The following MAP3K15 variants were observed in gnomAD, a reference collection of about 807,000 sequenced individuals.
The protein encoded by MAP3K15 is mitogen-activated protein kinase kinase kinase 15, also known as MAPK/ERK kinase kinase 15.
Under a neutral mutation model 99.5 loss-of-function variants are expected in MAP3K15, and 124 were observed. That is an observed-to-expected ratio of 1.25 (90% CI 1.08 to 1.45). The LOEUF (loss-of-function observed/expected upper bound fraction) is 1.45, where lower values mean the gene tolerates loss of function less well. Ranked by LOEUF, MAP3K15 falls within the 40% of genes most tolerant of loss-of-function variation. The pLI is 0.00. For synonymous variants in MAP3K15, 494 were observed against 439.6 expected (o/e 1.12, Z -1.55); for missense variants, 1,242 against 1,079.7 (o/e 1.15, Z -2.11).
At position 19,363,408 on chromosome X, in the gene MAP3K15, G is replaced by T. The variant is rs182975373; in HGVS notation, c.3567-558C>A. Among the ~76,000 whole-genome samples, 440 of 112,105 alleles carry T rather than the reference G, an allele frequency of 3.9e-3. 3 individuals are homozygous for T. The highest frequency in any genetic ancestry group is 0.013 in the African/African-American group (412 of 30,885). Reference sequence around the variant, plus strand: ...AACACATTTCTGTTGTTTATAAGCTGCCTGGTCTCTGGTTATTTTGTTACA... The same window carrying T: ...AACACATTTCTGTTGTTTATAAGCTTCCTGGTCTCTGGTTATTTTGTTACA... On this transcript the variant is annotated intron_variant, in intron 25 of 28. Transcript: ENST00000338883.
At chrX:19,491,076 AAGGC>A (rs755739238) in intron 1 of MAP3K15, among the ~76,000 whole-genome samples, 1 of 111,485 alleles carries the variant, frequency 9.0e-6, no homozygotes, top group East Asian at 2.8e-4. Flanking sequence ...AAGAAACATG[AAGGC>A]AGGCAGGCAG....
Position 19,515,506 on chromosome X carries a change from G to C in MAP3K15, c.-245C>G, listed in dbSNP as rs2064556853. The stretch of plus-strand genomic sequence containing the variant: ...GCGCCCTTTGAAGGCCGGAGAGAAA[G>C]AGGCGGGGGCTGGGGACGTCAGGGC... On this transcript the variant is annotated 5_prime_UTR_variant, in exon 1 of 29. Transcript: ENST00000338883. Among the ~76,000 whole-genome samples, 1 of 111,091 alleles carries C rather than the reference G, an allele frequency of 9.0e-6. No homozygotes were observed. The highest frequency in any genetic ancestry group is 1.9e-5 in the Non-Finnish European group (1 of 52,569).
intron 1 of MAP3K15, among the ~76,000 whole-genome samples, chrX:19,492,227 A>G (rs964889262): frequency 5.4e-5 from 6 of 110,290 alleles, no homozygotes; most frequent in Admixed American, 9.7e-5. Flanking sequence ...CGATCAACTC[A>G]AGGCCGGCTT....
Position 19,445,609 on chromosome X carries a change from A to T in MAP3K15, c.995+11304T>A, listed in dbSNP as rs1242381274. Among the ~76,000 whole-genome samples, 3 of 104,835 alleles carry T rather than the reference A, an allele frequency of 2.9e-5. No homozygotes were observed. In the Admixed American group the frequency reaches 3.1e-4, roughly 11 times the overall value. 91.0% of individuals were successfully genotyped at this position (104,835 alleles called of 115,157 possible). A position where few individuals can be genotyped will look rare whatever the true frequency, so the allele number is the denominator to read the frequency against. On this transcript the variant is annotated intron_variant, in intron 6 of 28. Coordinates refer to ENST00000338883, the MANE Select transcript of MAP3K15 (RefSeq NM_001001671.4). ...TGTCTCAAAAAAAAAAAAAAAAAAA[A>T]TTAGTGATGGAAATATCAAACTAAA... is the stretch of plus-strand genomic sequence containing the variant.
chrX:19,447,361 C>T (rs1480955103), intron 6 of MAP3K15, among the ~76,000 whole-genome samples: 1 of 111,715 alleles, frequency 9.0e-6, no homozygotes, highest in Non-Finnish European at 1.9e-5. Flanking sequence ...CTTTACAAGT[C>T]CTTCAACACA....
chrX:19,472,051 T>C (rs919811383), intron 3 of MAP3K15, among the ~76,000 whole-genome samples: 40 of 109,847 alleles, frequency 3.6e-4, no homozygotes, highest in African/African-American at 1.3e-3. Flanking sequence ...TGAAACCCCA[T>C]CTCTACTAAA....
chrX:19,418,453 T>G (rs1006370824), intron 9 of MAP3K15, among the ~76,000 whole-genome samples: 3 of 108,226 alleles, frequency 2.8e-5, no homozygotes. Context: ...TGATGGAAGA[T>G]CAAATGAATG....
Position 19,419,038 on chromosome X carries a change from G to A in MAP3K15, c.1440-3781C>T, listed in dbSNP as rs1186909900. On this transcript the variant is annotated intron_variant, in intron 9 of 28. Transcript: ENST00000338883. ...TGCCCTAAAAGAGCTCCTGAAGGAA[G>A]CACTAAACATGGAAAGGAACAACCA... Among the ~76,000 whole-genome samples the A allele has an allele frequency of 5.5e-3, 611 of 111,616 alleles. 3 individuals carry two copies. Among genetic ancestry groups the A allele is most frequent in the African/African-American group, 0.018 (562 of 30,715 alleles).
At chrX:19,424,329 TA>T (rs1330462725) in intron 9 of MAP3K15, among the ~76,000 whole-genome samples, 2 of 105,481 alleles carry the variant, frequency 1.9e-5, no homozygotes, top group South Asian at 4.0e-4. Flanking sequence ...CATATATATA[TA>T]TATTTTTTTA....
intron 3 of MAP3K15, among the ~76,000 whole-genome samples, chrX:19,472,464 G>A (rs1050168826): frequency 4.5e-5 from 5 of 110,638 alleles, no homozygotes; most frequent in Admixed American, 9.7e-5. Context: ...CATGTGTTGC[G>A]GCTTATACAG....
chrX:19,405,517 C>A (rs1482573926), intron 13 of MAP3K15, among the ~76,000 whole-genome samples: 4 of 112,387 alleles, frequency 3.6e-5, no homozygotes, highest in African/African-American at 1.3e-4. Context: ...GACGTGACAA[C>A]TCAATGCAAC....
At chrX:19,441,449 A>AC (rs200380821) in intron 6 of MAP3K15, among the ~76,000 whole-genome samples, 1 of 110,561 alleles carries the variant, frequency 9.0e-6, no homozygotes, top group Non-Finnish European at 1.9e-5. Context: ...TGCTAAAAAA[A>AC]CCCACCGACT....
intron 18 of MAP3K15, among the ~76,000 whole-genome samples, chrX:19,381,273 G>A (rs2063456356): frequency 9.0e-6 from 1 of 110,816 alleles, no homozygotes; most frequent in Non-Finnish European, 1.9e-5. Flanking sequence ...GGGCAGGGCC[G>A]GCTGCGGACC....
intron 1 of MAP3K15, among the ~76,000 whole-genome samples, chrX:19,512,634 A>G (rs2064527747): frequency 1.0e-5 from 1 of 95,666 alleles, no homozygotes; most frequent in Non-Finnish European, 2.0e-5. Context: ...GGGTGCCACC[A>G]CATCCTGCTT....
chrX:19,414,660 G>C (rs1357095059), intron 10 of MAP3K15, among the ~76,000 whole-genome samples: 1 of 112,549 alleles, frequency 8.9e-6, no homozygotes, highest in African/African-American at 3.2e-5. Flanking sequence ...TGAATTCCAA[G>C]TTTCCACTCG....
chrX:19,398,139 C>A, intron 15 of MAP3K15, 87 bp downstream of exon 15: 1 of 1,098,782 alleles, frequency 9.1e-7, no homozygotes, highest in Non-Finnish European at 1.2e-6. Context: ...TGCTTTTGCC[C>A]TTAACTCCTC....
At chrX:19,405,379 T>C (rs1432619857) in intron 13 of MAP3K15, among the ~76,000 whole-genome samples, 1 of 111,325 alleles carries the variant, frequency 9.0e-6, no homozygotes, top group Non-Finnish European at 1.9e-5. Flanking sequence ...AGTGTACTCA[T>C]GAGGAAACGA....
intron 2 of MAP3K15, among the ~76,000 whole-genome samples, chrX:19,487,108 A>G (rs2064332415): frequency 1.3e-5 from 1 of 79,531 alleles, no homozygotes; most frequent in Non-Finnish European, 2.3e-5. Flanking sequence ...TGTCTCATTT[A>G]CGCACCAACA....
chrX:19,433,776 A>C (rs1383314138), intron 6 of MAP3K15, among the ~76,000 whole-genome samples: 1 of 112,287 alleles, frequency 8.9e-6, no homozygotes, highest in Non-Finnish European at 1.9e-5. Flanking sequence ...TGACCCAACG[A>C]TTCCACTTCT....
Sources: allele counts gnomAD v4.1 joint callset (sites outside exome capture counted in the v4.1 genomes callset), GRCh38; gene constraint gnomAD v4.1.1; transcripts MANE v1.5; gene names NCBI Gene and HGNC (gene_info 2026-07-23, HGNC 2026-07-21).